Variants in COL6A2 observed in about 807,000 individuals in gnomAD.
The protein encoded by COL6A2 is collagen type VI alpha 2 chain, also known as collagen alpha-2(VI) chain.
Under a neutral mutation model 124.9 loss-of-function variants are expected in COL6A2, and 90 were observed. That is an observed-to-expected ratio of 0.72 (90% CI 0.61 to 0.86). The LOEUF (loss-of-function observed/expected upper bound fraction) is 0.86. COL6A2 is among the 40% of genes least tolerant of loss of function. The pLI, the probability that COL6A2 is intolerant of heterozygous loss-of-function variation, is 0.00. For synonymous variants in COL6A2, 793 were observed against 618.2 expected, an observed-to-expected ratio of 1.28 and a Z score of -4.19; for missense variants, 1,607 against 1,502.5, an observed-to-expected ratio of 1.07 and a Z score of -1.15.
intron 1 of COL6A2, among the ~76,000 whole-genome samples, chr21:46,108,108 T>TA (rs1360275516): frequency 2.2e-4 from 29 of 131,460 alleles, no homozygotes; most frequent in East Asian, 7.4e-4. Flanking sequence ...ATATATATAT[T>TA]TTTTTTTCTC....
At chr21:46,118,937 G>A in intron 13 of COL6A2, 93 bp from the exon 14 acceptor site, 1 of 1,099,672 alleles carries the variant, frequency 9.1e-7, no homozygotes, top group Non-Finnish European at 1.4e-6. Context: ...TCCGCTGGAA[G>A]ATAATAGGGG....
chr21:46,127,197 G>A (rs186050225), intron 27 of COL6A2, among the ~76,000 whole-genome samples: 21 of 152,116 alleles, frequency 1.4e-4, no homozygotes, highest in African/African-American at 2.2e-4. Context: ...TCAGTGAGCC[G>A]TCCCCTCCAG....
intron 16 of COL6A2, 133 bp from the exon 17 acceptor site, chr21:46,120,928 G>A (rs55964853): frequency 7.6e-5 from 64 of 840,644 alleles, no homozygotes; most frequent in East Asian, 4.9e-4. Context: ...CACAGCCTCC[G>A]GGGAGGGTCA....
At chr21:46,103,022 G>C (rs1218861948) in intron 1 of COL6A2, among the ~76,000 whole-genome samples, 1 of 152,132 alleles carries the variant, frequency 6.6e-6, no homozygotes, top group Non-Finnish European at 1.5e-5. Context: ...GTGTTTGGTA[G>C]AATTCACCAG....
rs780251189 is a variant in COL6A2 at position 46,120,565 on chromosome 21, C to G, written c.1383C>G (p.Asn461Lys). ...GPRGLAGEVGNKGAKGDRGLP... is the reference protein window; with the variant it reads ...GPRGLAGEVGKKGAKGDRGLP... ...GCGGCCTGGCTGGAGAGGTTGGCAA[C>G]AAAGGAGCCAAGGTAGGGGAGCAGG... Residue 461 changes from asparagine (N) to lysine (K), a missense_variant, in exon 16 of 28, where the codon AAC becomes AAG. Physicochemically the swap from Asn to Lys is moderately conservative, Grantham distance 94. Transcript: ENST00000300527. 6.8e-7 allele frequency: 1 copy of G among 1,466,850 alleles called. No individual in the cohort carries two copies. Among genetic ancestry groups the G allele is most frequent in the Non-Finnish European group, 9.0e-7 (1 of 1,109,740 alleles). The allele number at this position is 1,466,850 out of a possible 1,614,324, so 90.9% of individuals were successfully genotyped here. A position where few individuals can be genotyped will look rare whatever the true frequency, so the allele number is the denominator to read the frequency against.
At chr21:46,126,568 CCCCAGACTAGCAAAGCAG>C in intron 27 of COL6A2, 27 bp downstream of exon 27, 3 of 1,613,074 alleles carry the variant, frequency 1.9e-6, no homozygotes, top group Non-Finnish European at 2.5e-6. Context: ...TGAGCCACCA[CCCCAGACTAGCAAAGCAG>C]CCCTGGTGTC....
In COL6A2 at chr21:46,116,731, A is replaced by G. The variant is rs745634820; in HGVS notation, c.955-39A>G. 4 of 1,612,968 alleles carry G rather than the reference A, an allele frequency of 2.5e-6. No homozygotes were observed. The South Asian group carries it at 4.4e-5, about 18-fold the overall frequency. ...CCTTCCTGCTGCTCAGGGCAGAAGG[A>G]CCGGGGCTAATGGAGTTCCCTCTTC... On this transcript the variant is annotated intron_variant, in intron 9 of 27. Coordinates refer to ENST00000300527, the MANE Select transcript of COL6A2 (RefSeq NM_001849.4). This position sits in a 1 kb window ranked among gnomAD's most constrained non-coding sequence, Gnocchi z 4.6.
At chr21:46,119,897 T>C (rs538191689) in intron 15 of COL6A2, 47 bp downstream of exon 15, 4 of 1,513,046 alleles carry the variant, frequency 2.6e-6, no homozygotes, top group Middle Eastern at 3.4e-4. Flanking sequence ...GTGGTGCCCA[T>C]GGGCCCTGCT....
rs1488025551 is a variant in COL6A2 at position 46,116,357 on chromosome 21, C to A, written c.901-20C>A. 6.2e-7 allele frequency: 1 copy of A among 1,612,356 alleles called. No individual in the cohort carries two copies. The highest frequency in any genetic ancestry group is 1.1e-5 in the South Asian group (1 of 90,662). On this transcript the variant is annotated intron_variant, in intron 7 of 27. Coordinates refer to ENST00000300527, the MANE Select transcript of COL6A2 (RefSeq NM_001849.4). This position sits in a 1 kb window ranked among gnomAD's most constrained non-coding sequence, Gnocchi z 4.6. ...TCTGCAGAGCTCCTCACTAATGCCC[C>A]TCTCTCCTCCTGCCCCCAGGGCGTT...
chr21:46,119,658 G>C (rs561904417), intron 14 of COL6A2, 130 bp from the exon 15 acceptor site: 2 of 770,718 alleles, frequency 2.6e-6, no homozygotes, highest in East Asian at 2.7e-5. Context: ...CCTGGGGATC[G>C]AGGTCCCAGG....
intron 21 of COL6A2, among the ~76,000 whole-genome samples, 183 bp from the exon 22 acceptor site, chr21:46,124,468 C>T (rs1186362512): frequency 6.6e-6 from 1 of 152,092 alleles, no homozygotes; most frequent in Non-Finnish European, 1.5e-5. Context: ...CCACTCATGG[C>T]CTTTCTAGCT....
At chr21:46,112,881 A>T in intron 4 of COL6A2, 57 bp downstream of exon 4, 1 of 1,611,042 alleles carries the variant, frequency 6.2e-7, no homozygotes, top group Non-Finnish European at 8.5e-7. Context: ...AGCAGAGATG[A>T]CCGCGCCAGG....
Position 46,132,528 on chromosome 21 carries a change from C to T in COL6A2, c.3036C>T (p.Asp1012=). The T allele has an allele frequency of 6.2e-7, 1 of 1,605,146 alleles. No individual in the cohort carries two copies. Among genetic ancestry groups the T allele is most frequent in the South Asian group, 1.1e-5 (1 of 90,878 alleles). ...GCCTGGCGCAACCCGGCTTCTTCGA[C>T]CGCTTCATCCGCTGGATCTGCTAGC... ...YDSLAQPGFF[D]RFIRWIC is the part of the protein sequence containing the mutation. Residue 1012 remains aspartate, a synonymous_variant, in exon 28 of 28, where the codon GAC becomes GAT. Coordinates refer to ENST00000300527, the MANE Select transcript of COL6A2 (RefSeq NM_001849.4).
intron 27 of COL6A2, chr21:46,129,625 G>A (rs1199972386): frequency 1.4e-6 from 2 of 1,429,804 alleles, no homozygotes; most frequent in Non-Finnish European, 1.8e-6. Context: ...TCCTTCCAGG[G>A]GCTCTGGGGC....
At chr21:46,111,036 G>C (rs957388860) in intron 1 of COL6A2, among the ~76,000 whole-genome samples, 1 of 152,184 alleles carries the variant, frequency 6.6e-6, no homozygotes, top group African/African-American at 2.4e-5. Flanking sequence ...AGCCGGTCTG[G>C]GGAAGCTGGG....
rs1345870090 is a variant in COL6A2 at position 46,099,889 on chromosome 21, C to CGT, written c.-28+1716_-28+1717insGT. On this transcript the variant is annotated intron_variant, in intron 1 of 27. Transcript: ENST00000300527. ...TCTCCACAATGGATAGCAGCACTGT[C>CGT]TTTTTTTTTTTTTTTTTTTTTTTCT... Among the ~76,000 whole-genome samples, 204 of 91,798 alleles carry CGT rather than the reference C, an allele frequency of 2.2e-3. 2 individuals are homozygous for CGT. The highest frequency in any genetic ancestry group is 4.2e-3 in the South Asian group (10 of 2,396). The allele number at this position is 91,798 out of a possible 152,430, so 60.2% of individuals were successfully genotyped here.
chr21:46,122,436 A>G (rs964597906), intron 19 of COL6A2, 60 bp from the exon 20 acceptor site: 9 of 1,604,952 alleles, frequency 5.6e-6, no homozygotes, highest in Non-Finnish European at 7.7e-6. Flanking sequence ...AGCTGCCCAG[A>G]GGGAGGAAGG....
chr21:46,116,149 C>A lies in COL6A2; in HGVS notation c.900+96C>A, dbSNP rs2078467072. 1.5e-6 allele frequency: 2 copies of A among 1,317,744 alleles called. No homozygotes were observed. Among genetic ancestry groups the A allele is most frequent in the African/African-American group, 1.5e-5 (1 of 68,380 alleles). 81.6% of individuals were successfully genotyped at this position (1,317,744 alleles called of 1,614,324 possible). On this transcript the variant is annotated intron_variant, in intron 7 of 27. Coordinates refer to ENST00000300527, the MANE Select transcript of COL6A2 (RefSeq NM_001849.4). The surrounding 1 kb of genome is among the most constrained non-coding windows in gnomAD (Gnocchi z 4.6). Reference sequence around the variant, plus strand: ...CCAGCCTCGGCCTCAGCCTCTACGACCCTCCCCCCAGTTACCAAGGAACAG... The same window carrying A: ...CCAGCCTCGGCCTCAGCCTCTACGAACCTCCCCCCAGTTACCAAGGAACAG...
Position 46,119,820 on chromosome 21 carries a change from C to T in COL6A2, c.1302C>T (p.Ser434=), listed in dbSNP as rs1230708321. 7 of 1,564,218 alleles carry T rather than the reference C, an allele frequency of 4.5e-6. No individual in the cohort carries two copies. Among genetic ancestry groups the T allele is most frequent in the Non-Finnish European group, 6.1e-6 (7 of 1,153,974 alleles). The change falls in exon 15 of 28, where the codon AGC becomes AGT. Residue 434 remains serine (S), a synonymous_variant. Transcript: ENST00000300527. Reference sequence around the variant, plus strand: ...GGGGAGACCCCGGCACCAAGGGCAGCCCAGGCAGCGATGGCCCCAAGGGGG... The same window carrying T: ...GGGGAGACCCCGGCACCAAGGGCAGTCCAGGCAGCGATGGCCCCAAGGGGG... The part of the protein sequence containing the change: ...GRRGDPGTKG[S]PGSDGPKGEK...
Sources: allele counts gnomAD v4.1 joint callset (sites outside exome capture counted in the v4.1 genomes callset), GRCh38; gene constraint gnomAD v4.1.1; non-coding constraint Gnocchi (gnomAD v3.1); transcripts MANE v1.5; gene names NCBI Gene and HGNC (gene_info 2026-07-23, HGNC 2026-07-21).